Variants in C19orf38 observed in about 807,000 individuals in gnomAD.
C19orf38 encodes protein HIDE1.
Under a neutral mutation model 26.6 loss-of-function variants are expected in C19orf38, and 14 were observed. The observed-to-expected ratio is 0.53, with a 90% confidence interval of 0.35 to 0.82. The LOEUF (loss-of-function observed/expected upper bound fraction) is 0.82. C19orf38 is among the 40% of genes least tolerant of loss of function. The probability of loss-of-function intolerance (pLI) is 0.01; values close to 1 mark genes in which losing one functional copy is unlikely to be tolerated. For missense variants in C19orf38, 261 were observed against 299.5 expected, an observed-to-expected ratio of 0.87 and a Z score of 0.95; for synonymous variants, 132 against 128.5, an observed-to-expected ratio of 1.03 and a Z score of -0.18.
chr19:10,845,254 A>G (rs1465571105), upstream of C19orf38, among the ~76,000 whole-genome samples: 1 of 152,130 alleles, frequency 6.6e-6, no homozygotes. Flanking sequence ...AGAGAATATT[A>G]TACCAAACAA....
chr19:10,854,004 G>T lies in C19orf38; in HGVS notation c.341-2261G>T, dbSNP rs553040626. On this transcript the variant is annotated intron_variant, in intron 2 of 6. Coordinates refer to ENST00000397820, the MANE Select transcript of C19orf38 (RefSeq NM_001136482.3). The stretch of plus-strand genomic sequence containing the variant: ...GGAGGTAGAGGATATAGTGAGCCAT[G>T]ATCGCACCACTGCATTCCAGCCTGG... 2.7e-3 allele frequency among the ~76,000 whole-genome samples: 407 copies of T among 150,616 alleles called. 6 individuals are homozygous for T. In the South Asian group the frequency reaches 0.048, roughly 18 times the overall value.
chr19:10,866,009 A>T (rs1276009700), intron 6 of C19orf38, among the ~76,000 whole-genome samples: 6 of 150,444 alleles, frequency 4.0e-5, no homozygotes, highest in Admixed American at 1.3e-4. Flanking sequence ...TTATTTATTT[A>T]TTTTTCTTCC....
At position 10,869,251 on chromosome 19, in the gene C19orf38, G is replaced by C; in HGVS notation, c.577G>C (p.Asp193His). Residue 193 changes from aspartate to histidine, a missense_variant, in exon 7 of 7, where the codon GAT becomes CAT. Transcript: ENST00000397820. ...GCCAGAAGAAGACCCGGCCACCTTG[G>C]ATGATCACTCAGGCACCACTGCCAC... The part of the protein sequence containing the change: ...TMPEEDPATL[D>H]DHSGTTATPS... 1 of 1,551,672 alleles carries C rather than the reference G, an allele frequency of 6.4e-7. No homozygotes were observed. The highest frequency in any genetic ancestry group is 8.7e-7 in the Non-Finnish European group (1 of 1,146,976).
chr19:10,859,557 A>AT (rs2073675939), intron 4 of C19orf38, among the ~76,000 whole-genome samples: 1 of 148,946 alleles, frequency 6.7e-6, no homozygotes, highest in African/African-American at 2.5e-5. Flanking sequence ...TAATTTTTGT[A>AT]TTTTTTAGTA....
At chr19:10,856,774 G>C (rs1168474824) in intron 3 of C19orf38, among the ~76,000 whole-genome samples, 1 of 151,418 alleles carries the variant, frequency 6.6e-6, no homozygotes, top group African/African-American at 2.4e-5. Context: ...AAAGTGCTGG[G>C]ATTATAGGCA....
intron 6 of C19orf38, among the ~76,000 whole-genome samples, chr19:10,866,122 T>C (rs1001679390): frequency 6.6e-6 from 1 of 151,300 alleles, no homozygotes; most frequent in African/African-American, 2.4e-5. Flanking sequence ...CACTGCAACC[T>C]CCCCCCCTGG....
In C19orf38 at chr19:10,856,566, C is replaced by T. The variant is rs574537795; in HGVS notation, c.433+209C>T. Among the ~76,000 whole-genome samples, 4 of 150,694 alleles carry T rather than the reference C, an allele frequency of 2.7e-5. No individual in the cohort carries two copies. In the South Asian group the frequency reaches 6.3e-4, roughly 24 times the overall value. On this transcript the variant is annotated intron_variant, in intron 3 of 6. Coordinates refer to ENST00000397820, the MANE Select transcript of C19orf38 (RefSeq NM_001136482.3). Reference sequence around the variant, plus strand: ...TCGCCCAGGCTGGAGTGCAGTGGCACGATCTCGGCCCACTGCAACCTCCGC... The same window carrying T: ...TCGCCCAGGCTGGAGTGCAGTGGCATGATCTCGGCCCACTGCAACCTCCGC...
chr19:10,844,993 CAAA>C (rs57500129), upstream of C19orf38, among the ~76,000 whole-genome samples: 1 of 95,796 alleles, frequency 1.0e-5, no homozygotes, highest in Non-Finnish European at 2.2e-5. Flanking sequence ...CCTTTCTCTA[CAAA>C]AAAAAAAAAA....
At chr19:10,844,742 G>A (rs1225950307), upstream of C19orf38, among the ~76,000 whole-genome samples, 2 of 151,598 alleles carry the variant, frequency 1.3e-5, no homozygotes, top group Admixed American at 1.3e-4. Flanking sequence ...CAGCTACTCG[G>A]GAGACTGAGG....
intron 1 of C19orf38, 108 bp downstream of exon 1, chr19:10,848,647 C>A (rs929199570): frequency 9.4e-7 from 1 of 1,062,828 alleles, no homozygotes; most frequent in South Asian, 1.4e-5. Flanking sequence ...GTTCTCAGGG[C>A]ATCGAGGAGG....
At position 10,869,337 on chromosome 19, in the gene C19orf38, C is replaced by A. The variant is rs930178239; in HGVS notation, c.663C>A (p.Pro221=). 6.4e-7 allele frequency: 1 copy of A among 1,551,308 alleles called. No homozygotes were observed. Reference sequence around the variant, plus strand: ...CCACGTCCTCCTCGCCTGAGACCCCCGAATTCAGCACTTTCCGGGCCTGCC... The same window carrying A: ...CCACGTCCTCCTCGCCTGAGACCCCAGAATTCAGCACTTTCCGGGCCTGCC... ...PTSTSSSPET[P]EFSTFRACQ is the part of the protein sequence containing the mutation. The change falls in exon 7 of 7, where the codon CCC becomes CCA. Residue 221 remains proline, a synonymous_variant. Coordinates refer to ENST00000397820, the MANE Select transcript of C19orf38 (RefSeq NM_001136482.3).
intron 1 of C19orf38, among the ~76,000 whole-genome samples, chr19:10,840,035 A>G (rs1311119307): frequency 6.6e-6 from 1 of 152,066 alleles, no homozygotes. Flanking sequence ...CAATTTCTTT[A>G]GCCATTCATT....
At chr19:10,856,996 G>C (rs2073632688) in intron 3 of C19orf38, among the ~76,000 whole-genome samples, 1 of 151,326 alleles carries the variant, frequency 6.6e-6, no homozygotes, top group South Asian at 2.1e-4. Context: ...ACAGGGTCTT[G>C]CTGTGTTGCC....
intron 2 of C19orf38, among the ~76,000 whole-genome samples, chr19:10,851,974 CAA>C (rs903489432): frequency 1.4e-3 from 70 of 48,526 alleles, no homozygotes; most frequent in Middle Eastern, 0.02. Flanking sequence ...GACTCCGTCT[CAA>C]AAAAAAAAAA....
upstream of C19orf38, among the ~76,000 whole-genome samples, chr19:10,843,884 G>GGGC: frequency 6.6e-6 from 1 of 152,244 alleles, no homozygotes; most frequent in South Asian, 2.1e-4. Context: ...TTCGGGAGGT[G>GGGC]GGCGGATCAT....
At chr19:10,863,318 C>T (rs994702272) in intron 6 of C19orf38, 111 bp downstream of exon 6, 37 of 1,245,712 alleles carry the variant, frequency 3.0e-5, no homozygotes, top group African/African-American at 7.5e-5. Flanking sequence ...CTCTAAGCTG[C>T]GGGGGGGCTA....
At chr19:10,850,060 C>CA (rs371862903) in intron 1 of C19orf38, among the ~76,000 whole-genome samples, 199 bp from the exon 2 acceptor site, 5 of 150,794 alleles carry the variant, frequency 3.3e-5, no homozygotes, top group East Asian at 3.9e-4. Context: ...CTCCGACTCA[C>CA]AAAAAAAAGA....
upstream of C19orf38, among the ~76,000 whole-genome samples, chr19:10,844,010 G>A (rs2073497162): frequency 6.6e-6 from 1 of 151,958 alleles, no homozygotes; most frequent in East Asian, 1.9e-4. Context: ...CTACTCAGGA[G>A]GCTGAGGCAG....
At chr19:10,842,848 A>AC (rs2073489093) in intron 1 of C19orf38, among the ~76,000 whole-genome samples, 1 of 151,804 alleles carries the variant, frequency 6.6e-6, no homozygotes, top group South Asian at 2.1e-4. Flanking sequence ...GCCCCCTACC[A>AC]CCCGCAAGGG....
Sources: gnomAD v4.1 joint callset for allele counts (sites outside exome capture counted in the v4.1 genomes callset) on GRCh38, gnomAD v4.1.1 for gene constraint, MANE v1.5 for transcripts, NCBI Gene and HGNC (gene_info 2026-07-23, HGNC 2026-07-21) for gene names.